Variants in DIS3 observed in about 807,000 individuals in gnomAD.
DIS3 encodes the protein exosome complex exonuclease RRP44.
In DIS3, 103 loss-of-function variants were observed where a neutral mutation model predicts 113.0. The ratio of observed to expected loss-of-function variants is 0.91; its 90% confidence interval spans 0.78 to 1.07. The LOEUF (loss-of-function observed/expected upper bound fraction) is 1.07. Among genes scored for constraint, DIS3 ranks in the 50% least tolerant of loss-of-function variants. The pLI is 0.00. For synonymous variants in DIS3, 402 were observed against 394.3 expected, an observed-to-expected ratio of 1.02 and a Z score of -0.23; for missense variants, 1,121 against 1,167.1, an observed-to-expected ratio of 0.96 and a Z score of 0.58.
intron 15 of DIS3, among the ~76,000 whole-genome samples, chr13:72,765,298 A>G (rs1257373572): frequency 1.3e-5 from 2 of 152,190 alleles, no homozygotes; most frequent in African/African-American, 2.4e-5. Flanking sequence ...GGGAAATATA[A>G]TAGTAATAAC....
In DIS3 at chr13:72,755,149, A is replaced by G; in HGVS notation, c.*4646T>C. ...AACAAGGTATTGTCTTCTTTTTCAC[A>G]GCAAGACCACACAACACAGAGGTGT... On this transcript the variant is annotated 3_prime_UTR_variant, in exon 21 of 21. Transcript: ENST00000377767. 1.2e-6 allele frequency: 2 copies of G among 1,613,674 alleles called. No individual in the cohort carries two copies. Among genetic ancestry groups the G allele is most frequent in the Non-Finnish European group, 1.7e-6 (2 of 1,179,754 alleles).
At chr13:72,774,637 T>C (rs985912442) in intron 6 of DIS3, among the ~76,000 whole-genome samples, 11 of 152,040 alleles carry the variant, frequency 7.2e-5, no homozygotes, top group Admixed American at 2.0e-4. Context: ...ATATAAATGA[T>C]GGAAAAAGAA....
Position 72,768,822 on chromosome 13 carries a change from G to A in DIS3, c.1846C>T (p.Leu616=), listed in dbSNP as rs770188410. 6.2e-7 allele frequency: 1 copy of A among 1,607,086 alleles called. No individual in the cohort carries two copies. Among genetic ancestry groups the A allele is most frequent in the South Asian group, 1.1e-5 (1 of 89,710 alleles). The change falls in exon 14 of 21, where the codon CTA becomes TTA. Residue 616 remains leucine, a synonymous_variant. Transcript: ENST00000377767. ...ITTSLRGLNK[L]AKILKKRRIE... ...CTTCTTTTCTTCAGAATTTTGGCTA[G>A]TTTATTCAGTCCACGGAGACTAGTG...
intron 19 of DIS3, among the ~76,000 whole-genome samples, chr13:72,760,967 T>G (rs1259471091): frequency 6.6e-6 from 1 of 152,142 alleles, no homozygotes; most frequent in Non-Finnish European, 1.5e-5. Flanking sequence ...GCCAGTTTAT[T>G]GTTCAAATAT....
At position 72,753,398 on chromosome 13, in the gene DIS3, G is replaced by T; in HGVS notation, c.*6397C>A. The T allele has an allele frequency of 4.4e-6, 1 of 228,698 alleles. No individual in the cohort carries two copies. The highest frequency in any genetic ancestry group is 8.5e-6 in the Non-Finnish European group (1 of 117,586). 14.2% of individuals were successfully genotyped at this position (228,698 alleles called of 1,614,324 possible). ...TGTAATACTCATTTTTGTCTACTAG[G>T]TACGATCACAAAATAACAGGAAAGC... On this transcript the variant is annotated 3_prime_UTR_variant, in exon 21 of 21. Coordinates refer to ENST00000377767, the MANE Select transcript of DIS3 (RefSeq NM_014953.5).
At chr13:72,760,403 A>C (rs1380012076) in intron 20 of DIS3, 126 bp downstream of exon 20, 1 of 1,165,322 alleles carries the variant, frequency 8.6e-7, no homozygotes, top group Non-Finnish European at 1.2e-6. Flanking sequence ...TGCTATGCAA[A>C]TATTTGGTTT....
At chr13:72,760,020 T>C in intron 20 of DIS3, 142 bp from the exon 21 acceptor site, 2 of 661,812 alleles carry the variant, frequency 3.0e-6, no homozygotes, top group Non-Finnish European at 5.2e-6. Context: ...TTAAAGGTTT[T>C]ATACACAGAA....
In DIS3 at chr13:72,758,764, C is replaced by T. The variant is rs1277968676; in HGVS notation, c.*1031G>A. On this transcript the variant is annotated 3_prime_UTR_variant, in exon 21 of 21. Transcript: ENST00000377767. Reference sequence around the variant, plus strand: ...TACTTGGCAGGCTTTTCTCACTATACTGCAAGCTCCTTGAAGGCAGAGATA... The same window carrying T: ...TACTTGGCAGGCTTTTCTCACTATATTGCAAGCTCCTTGAAGGCAGAGATA... The T allele has an allele frequency of 4.9e-6, 1 of 203,646 alleles. No individual in the cohort carries two copies. Among genetic ancestry groups the T allele is most frequent in the Non-Finnish European group, 1.0e-5 (1 of 99,284 alleles). The allele number at this position is 203,646 out of a possible 1,614,324, so 12.6% of individuals were successfully genotyped here. A position where few individuals can be genotyped will look rare whatever the true frequency, so the allele number is the denominator to read the frequency against.
At chr13:72,763,677 C>A in intron 15 of DIS3, 70 bp from the exon 16 acceptor site, 2 of 1,449,814 alleles carry the variant, frequency 1.4e-6, no homozygotes, top group African/African-American at 1.4e-5. Flanking sequence ...TATTTTTTCA[C>A]AGGTTACCTT....
chr13:72,772,759 G>A lies in DIS3; in HGVS notation c.1320C>T (p.Pro440=), dbSNP rs1210053929. 1 of 1,613,350 alleles carries A rather than the reference G, an allele frequency of 6.2e-7. No individual in the cohort carries two copies. Among genetic ancestry groups the A allele is most frequent in the African/African-American group, 1.3e-5 (1 of 74,878 alleles). ...TEVLLLEHDV[P]HQPFSQAVLS... Reference sequence around the variant, plus strand: ...GAACAGCCTGTGAAAAAGGCTGATGGGGAACATCGTGTTCAAGTAACAAAA... The same window carrying A: ...GAACAGCCTGTGAAAAAGGCTGATGAGGAACATCGTGTTCAAGTAACAAAA... The change falls in exon 9 of 21, where the codon CCC becomes CCT. Residue 440 remains proline, a synonymous_variant. Transcript: ENST00000377767.
At chr13:72,763,708 G>C in intron 15 of DIS3, 101 bp from the exon 16 acceptor site, 1 of 1,179,050 alleles carries the variant, frequency 8.5e-7, no homozygotes, top group Non-Finnish European at 1.2e-6. Context: ...AAGATAATAA[G>C]AGCATTTCCT....
At chr13:72,776,866 TACAA>T (rs2034029215) in intron 4 of DIS3, among the ~76,000 whole-genome samples, 2 of 152,310 alleles carry the variant, frequency 1.3e-5, no homozygotes, top group South Asian at 2.1e-4. Flanking sequence ...AGAGTGGTCT[TACAA>T]ACAAATACCA....
Position 72,754,391 on chromosome 13 carries a change from C to G in DIS3, c.*5404G>C, listed in dbSNP as rs1425599416. 1 of 152,474 alleles carries G rather than the reference C, an allele frequency of 6.6e-6. No homozygotes were observed. The highest frequency in any genetic ancestry group is 1.5e-5 in the Non-Finnish European group (1 of 68,860). The allele number at this position is 152,474 out of a possible 1,614,324, so 9.4% of individuals were successfully genotyped here. A position where few individuals can be genotyped will look rare whatever the true frequency, so the allele number is the denominator to read the frequency against. ...CAGTCGTAGAATCAGATCACTACAGCCTTTAACTGCTGGGCTCAAGCAATC... is the reference window on the plus strand; with the variant it reads ...CAGTCGTAGAATCAGATCACTACAGGCTTTAACTGCTGGGCTCAAGCAATC... On this transcript the variant is annotated 3_prime_UTR_variant, in exon 21 of 21. Coordinates refer to ENST00000377767, the MANE Select transcript of DIS3 (RefSeq NM_014953.5).
In DIS3 at chr13:72,763,471, C is replaced by A; in HGVS notation, c.2107G>T (p.Val703Phe). The A allele has an allele frequency of 6.2e-7, 1 of 1,613,208 alleles. No individual in the cohort carries two copies. The change falls in exon 16 of 21, where the codon GTT becomes TTT. Residue 703 changes from valine (V) to phenylalanine (F), a missense_variant. Physicochemically the swap from Val to Phe is conservative, Grantham distance 50. Coordinates refer to ENST00000377767, the MANE Select transcript of DIS3 (RefSeq NM_014953.5). ...APPPSNYEIL[V>F]KAARSRNLEI... ...CTTACCCTTGACCTGGCTGCCTTAA[C>A]AAGAATTTCATAATTTGATGGAGGT...
intron 19 of DIS3, among the ~76,000 whole-genome samples, chr13:72,761,106 G>T (rs761880819): frequency 1.3e-5 from 2 of 152,012 alleles, no homozygotes; most frequent in Non-Finnish European, 2.9e-5. Context: ...TCCATGTAGG[G>T]CAAAACTTTA....
In DIS3 at chr13:72,752,294, G is replaced by C. The variant is rs2033297993; in HGVS notation, c.*7501C>G. The C allele has an allele frequency of 6.6e-6, 1 of 152,146 alleles. No homozygotes were observed. The highest frequency in any genetic ancestry group is 1.5e-5 in the Non-Finnish European group (1 of 68,036). The allele number at this position is 152,146 out of a possible 1,614,324, so 9.4% of individuals were successfully genotyped here. The stretch of plus-strand genomic sequence containing the variant: ...TTCTTAGCTATAAAGTGAGATTGAT[G>C]CCTGCCTTGATGCCTGTGGGGGATA... On this transcript the variant is annotated 3_prime_UTR_variant, in exon 21 of 21. Transcript: ENST00000377767.
intron 16 of DIS3, 71 bp downstream of exon 16, chr13:72,763,380 A>G: frequency 1.4e-6 from 2 of 1,463,432 alleles, no homozygotes; most frequent in South Asian, 2.7e-5. Flanking sequence ...TGGAAATATG[A>G]ATATAAATTA....
In DIS3 at chr13:72,756,318, A is replaced by G. The variant is rs2033471687; in HGVS notation, c.*3477T>C. On this transcript the variant is annotated 3_prime_UTR_variant, in exon 21 of 21. Transcript: ENST00000377767. ...ACACTAACCATGAACACTAATAGCC[A>G]TTAGGGGACATGGCTACAGATACTA... The G allele has an allele frequency of 1.2e-5, 2 of 171,654 alleles. No homozygotes were observed. The highest frequency in any genetic ancestry group is 1.5e-4 in the East Asian group (1 of 6,488). 10.6% of individuals were successfully genotyped at this position (171,654 alleles called of 1,614,324 possible).
intron 3 of DIS3, among the ~76,000 whole-genome samples, chr13:72,777,838 T>C (rs969747946): frequency 1.3e-5 from 2 of 151,966 alleles, no homozygotes; most frequent in Non-Finnish European, 2.9e-5. Flanking sequence ...CCTCTTGCCC[T>C]GACCTCCCAA....
Sources: gnomAD v4.1 joint callset for allele counts (sites outside exome capture counted in the v4.1 genomes callset) on GRCh38, gnomAD v4.1.1 for gene constraint, MANE v1.5 for transcripts, NCBI Gene and HGNC (gene_info 2026-07-23, HGNC 2026-07-21) for gene names.